The following PLET1 variants were observed in gnomAD, a reference collection of about 807,000 sequenced individuals.
PLET1 encodes the protein placenta expressed transcript 1, also known as placenta-expressed transcript 1 protein.
PLET1 carries 20 observed loss-of-function variants against 18.5 expected under a neutral mutation model. The observed-to-expected ratio is 1.08, with a 90% CI of 0.76 to 1.57. PLET1 has a LOEUF of 1.57. Ranked by LOEUF, PLET1 falls within the 40% of genes most tolerant of loss-of-function variation. The pLI, the probability that PLET1 is intolerant of heterozygous loss-of-function variation, is 0.00. For synonymous variants in PLET1, 93 were observed against 93.8 expected (o/e 0.99, Z 0.05); for missense variants, 256 against 246.4 (o/e 1.04, Z -0.26).
chr11:112,255,448 G>A lies in PLET1; in HGVS notation c.326C>T (p.Thr109Met), dbSNP rs564868430. Residue 109 changes from threonine (T) to methionine (M), a missense_variant, in exon 2 of 4, where the codon ACG becomes ATG. Transcript: ENST00000338832. Reference sequence around the variant, plus strand: ...AGCTTGCCACTGTGCCTCTAAGACCGTCATGTATTGATCTTTCACGTAATA... The same window carrying A: ...AGCTTGCCACTGTGCCTCTAAGACCATCATGTATTGATCTTTCACGTAATA... ...STYYVKDQYM[T>M]VLEAQWQAPE... 18 of 1,552,274 alleles carry A rather than the reference G, an allele frequency of 1.2e-5. No homozygotes were observed. In the South Asian group the frequency reaches 1.2e-4, roughly 10 times the overall value.
intron 3 of PLET1, among the ~76,000 whole-genome samples, chr11:112,249,208 C>T (rs190380738): frequency 1.9e-3 from 290 of 152,264 alleles, no homozygotes; most frequent in Middle Eastern, 3.4e-3. Context: ...ACTTTCTACC[C>T]TTAAGGTCTG....
chr11:112,252,784 T>C (rs527619783), intron 2 of PLET1, among the ~76,000 whole-genome samples: 2 of 152,214 alleles, frequency 1.3e-5, no homozygotes, highest in South Asian at 4.1e-4. Context: ...GTCACTAAGC[T>C]AGGCATGATG....
At chr11:112,254,190 G>GGTGTGTGTGT (rs60070587) in intron 2 of PLET1, among the ~76,000 whole-genome samples, 6,591 of 141,136 alleles carry the variant, frequency 0.047, 188 homozygotes, top group South Asian at 0.08. Context: ...GAGCATAAGT[G>GGTGTGTGTGT]GTGTGTGTGT....
Position 112,255,522 on chromosome 11 carries a change from T to G in PLET1, c.252A>C (p.Ser84=), listed in dbSNP as rs769202691. The part of the protein sequence containing the change: ...VMKTLDENSD[S]AGLWQRADKN... ...TATCCGCTCTTTGCCAGAGGCCCGC[T>G]GAGTCACTGTTCTCGTCCAAGGTTT... Residue 84 remains serine (S), a synonymous_variant, in exon 2 of 4, where the codon TCA becomes TCC. Transcript: ENST00000338832. 5.2e-6 allele frequency: 8 copies of G among 1,551,604 alleles called. No homozygotes were observed. In the African/African-American group the frequency reaches 9.6e-5, roughly 19 times the overall value.
intron 2 of PLET1, among the ~76,000 whole-genome samples, chr11:112,254,412 T>C (rs1411347446): frequency 6.8e-6 from 1 of 147,086 alleles, no homozygotes; most frequent in East Asian, 2.0e-4. Context: ...CTATCGTGTG[T>C]GTATGGTATG....
intron 3 of PLET1, among the ~76,000 whole-genome samples, chr11:112,249,963 TAAAA>T (rs61227342): frequency 9.5e-6 from 1 of 105,500 alleles, no homozygotes; most frequent in African/African-American, 3.7e-5. Context: ...TCTCAAAAAT[TAAAA>T]AAAAAAAAAA....
At chr11:112,251,646 A>G (rs1860156555) in intron 3 of PLET1, among the ~76,000 whole-genome samples, 1 of 152,018 alleles carries the variant, frequency 6.6e-6, no homozygotes, top group Non-Finnish European at 1.5e-5. Context: ...TCCTGGGTTC[A>G]AGGGATCCTT....
chr11:112,257,252 T>A (rs1334490656), intron 1 of PLET1, among the ~76,000 whole-genome samples: 2 of 152,166 alleles, frequency 1.3e-5, no homozygotes, highest in Non-Finnish European at 2.9e-5. Context: ...CTTGCTCACC[T>A]CTGGCTGCCT....
rs181513880 is a variant in PLET1 at position 112,248,848 on chromosome 11, T to C, written c.575A>G (p.Glu192Gly). ...AAAAGCAAGCAGGATATAAATGGCC[T>C]CTGTGATGGGGCTGCTGAAGACTTG... ...ANQVFSSPIT[E>G]AIYILLAFLT... Residue 192 changes from glutamate (E) to glycine (G), a missense_variant, in exon 4 of 4, where the codon GAG (glutamate) becomes GGG (glycine). Coordinates refer to ENST00000338832, the MANE Select transcript of PLET1 (RefSeq NM_001145024.1). The C allele has an allele frequency of 1.0e-4, 155 of 1,551,580 alleles. 1 individual carries two copies. In the East Asian group the frequency reaches 3.6e-3, roughly 36 times the overall value.
intron 1 of PLET1, among the ~76,000 whole-genome samples, chr11:112,257,712 C>T (rs147468186): frequency 6.6e-6 from 1 of 152,246 alleles, no homozygotes; most frequent in African/African-American, 2.4e-5. Flanking sequence ...CCCAGGAAAC[C>T]TGTTCTAATA....
intron 1 of PLET1, among the ~76,000 whole-genome samples, chr11:112,258,020 C>T (rs923627332): frequency 1.1e-4 from 16 of 152,160 alleles, no homozygotes; most frequent in African/African-American, 3.9e-4. Context: ...CAATTTGCCA[C>T]AGAGCTTTTG....
chr11:112,260,576 T>C lies in PLET1; in HGVS notation c.14A>G (p.His5Arg), dbSNP rs1398895653. The C allele has an allele frequency of 1.3e-6, 2 of 1,551,240 alleles. No homozygotes were observed. The highest frequency in any genetic ancestry group is 1.7e-6 in the Non-Finnish European group (2 of 1,146,844). ...CCCCAGTGGCTGCAGCAGCATGTCA[T>C]GGAAGACTGCCATGGTCTCAGTCTG... MAVFHDMLLQPLGMF... is the reference protein window; with the variant it reads MAVFRDMLLQPLGMF... The change falls in exon 1 of 4, where the codon CAT becomes CGT. Residue 5 changes from histidine (H) to arginine (R), a missense_variant. His to Arg is a conservative substitution (Grantham distance 29). Coordinates refer to ENST00000338832, the MANE Select transcript of PLET1 (RefSeq NM_001145024.1).
intron 1 of PLET1, among the ~76,000 whole-genome samples, chr11:112,257,609 G>GT (rs568378278): frequency 1.2e-3 from 178 of 147,732 alleles, no homozygotes; most frequent in Middle Eastern, 7.1e-3. Context: ...GCCCATAGAA[G>GT]TTTTTTTTTT....
rs1167824048 is a variant in PLET1 at position 112,254,320 on chromosome 11, GGT to G, written c.386+1066_386+1067del. Among the ~76,000 whole-genome samples, 9 of 117,314 alleles carry G rather than the reference GGT, an allele frequency of 7.7e-5. No homozygotes were observed. In the East Asian group the frequency reaches 8.2e-4, roughly 11 times the overall value. The allele number at this position is 117,314 out of a possible 152,430, so 77.0% of individuals were successfully genotyped here. Reference sequence around the variant, plus strand: ...GTGGTGTGTAGTGTGAGTAGCATGTGGTGTGTGGGGGTGGTGTGTGGTGTGTG... The same window carrying G: ...GTGGTGTGTAGTGTGAGTAGCATGTGGTGTGGGGGTGGTGTGTGGTGTGTG... On this transcript the variant is annotated intron_variant, in intron 2 of 3. Transcript: ENST00000338832.
At chr11:112,254,999 GGTA>G in intron 2 of PLET1, among the ~76,000 whole-genome samples, 1 of 69,134 alleles carries the variant, frequency 1.4e-5, no homozygotes, top group South Asian at 7.0e-4. Context: ...TGTGGTGTGT[GGTA>G]TGTATGTGTG....
intron 1 of PLET1, among the ~76,000 whole-genome samples, chr11:112,259,714 G>C (rs1030151285): frequency 1.3e-5 from 2 of 152,118 alleles, no homozygotes; most frequent in African/African-American, 4.8e-5. Context: ...ATCCCCAGAG[G>C]CATCATATTG....
At chr11:112,254,785 TGTGTGTGGTGTGTGGTGC>T in intron 2 of PLET1, among the ~76,000 whole-genome samples, 1 of 47,436 alleles carries the variant, frequency 2.1e-5, no homozygotes, top group Non-Finnish European at 4.1e-5. Context: ...ACGCATCGTG[TGTGTGTGGTGTGTGGTGC>T]ATGTGTGGTG....
At position 112,248,704 on chromosome 11, in the gene PLET1, C is replaced by T. The variant is rs774719808; in HGVS notation, c.*95G>A. The T allele has an allele frequency of 8.9e-6, 12 of 1,355,632 alleles. No individual in the cohort carries two copies. The highest frequency in any genetic ancestry group is 1.2e-5 in the Non-Finnish European group (12 of 998,868). 84.0% of individuals were successfully genotyped at this position (1,355,632 alleles called of 1,614,324 possible). A position where few individuals can be genotyped will look rare whatever the true frequency, so the allele number is the denominator to read the frequency against. Reference sequence around the variant, plus strand: ...AAGTTGCACATTTGAGAATGTAAAGCCTTCATTTACACACATTCGGTTCCC... The same window carrying T: ...AAGTTGCACATTTGAGAATGTAAAGTCTTCATTTACACACATTCGGTTCCC... On this transcript the variant is annotated 3_prime_UTR_variant, in exon 4 of 4. Coordinates refer to ENST00000338832, the MANE Select transcript of PLET1 (RefSeq NM_001145024.1).
intron 2 of PLET1, among the ~76,000 whole-genome samples, chr11:112,254,719 TGA>T (rs1229190109): frequency 1.8e-5 from 2 of 110,664 alleles, no homozygotes; most frequent in Non-Finnish European, 3.7e-5. Context: ...GTGTGTGTTG[TGA>T]GTGTGTGTGT....
Sources: gnomAD v4.1 joint callset for allele counts (sites outside exome capture counted in the v4.1 genomes callset) on GRCh38, gnomAD v4.1.1 for gene constraint, MANE v1.5 for transcripts, NCBI Gene and HGNC (gene_info 2026-07-23, HGNC 2026-07-21) for gene names.